The following ASB13 variants were observed in gnomAD, a reference collection of about 807,000 sequenced individuals.
ASB13 encodes ankyrin repeat and SOCS box protein 13.
Under a neutral mutation model 28.8 loss-of-function variants are expected in ASB13, and 33 were observed. That is an observed-to-expected ratio of 1.15 (90% CI 0.87 to 1.53). ASB13 has a LOEUF of 1.53. Ranked by LOEUF, ASB13 falls within the 40% of genes most tolerant of loss-of-function variation. The pLI is 0.00. For synonymous variants in ASB13, 182 were observed against 172.9 expected (o/e 1.05, Z -0.41); for missense variants, 414 against 390.1 (o/e 1.06, Z -0.52).
Position 5,658,177 on chromosome 10 carries a change from C to T in ASB13, c.44-5127G>A, listed in dbSNP as rs190905105. On this transcript the variant is annotated intron_variant, in intron 1 of 5. Coordinates refer to ENST00000357700, the MANE Select transcript of ASB13 (RefSeq NM_024701.4). This position sits in a 1 kb window ranked among gnomAD's most constrained non-coding sequence, Gnocchi z 4.2. ...TGTCTCAAAAATAAATAAATAAATA[C>T]GCTATTTCTGGCCAGGTGCAGTGGC... 5.1e-4 allele frequency among the ~76,000 whole-genome samples: 76 copies of T among 149,490 alleles called. 1 individual carries two copies. Among genetic ancestry groups the T allele is most frequent in the Middle Eastern group, 3.7e-3 (1 of 272 alleles).
At position 5,649,128 on chromosome 10, in the gene ASB13, G is replaced by T; in HGVS notation, c.383-24C>A. 1 of 1,613,694 alleles carries T rather than the reference G, an allele frequency of 6.2e-7. No homozygotes were observed. The highest frequency in any genetic ancestry group is 1.3e-5 in the African/African-American group (1 of 75,042). ...CCCTTAAGATAAATGGAAAAGGGGGGGAATGTCCTTGAATACGGACACTGG... is the reference window on the plus strand; with the variant it reads ...CCCTTAAGATAAATGGAAAAGGGGGTGAATGTCCTTGAATACGGACACTGG... On this transcript the variant is annotated intron_variant, in intron 3 of 5. Transcript: ENST00000357700. The surrounding 1 kb of genome is among the most constrained non-coding windows in gnomAD (Gnocchi z 6.4).
chr10:5,654,303 G>A (rs1413980886), intron 1 of ASB13, among the ~76,000 whole-genome samples: 2 of 152,066 alleles, frequency 1.3e-5, no homozygotes, highest in African/African-American at 2.4e-5. Flanking sequence ...GGGGAAGGCT[G>A]TCTCCCTTCC....
At position 5,640,579 on chromosome 10, in the gene ASB13, A is replaced by G. The variant is rs1224959683; in HGVS notation, c.*124T>C. The G allele has an allele frequency of 3.2e-6, 4 of 1,242,754 alleles. No homozygotes were observed. In the East Asian group the frequency reaches 9.7e-5, roughly 30 times the overall value. The allele number at this position is 1,242,754 out of a possible 1,614,324, so 77.0% of individuals were successfully genotyped here. On this transcript the variant is annotated 3_prime_UTR_variant, in exon 6 of 6. Coordinates refer to ENST00000357700, the MANE Select transcript of ASB13 (RefSeq NM_024701.4). ...GAGAAGCCTAAACAGGATCGCAGGAAGGGACTCGAAGGAGCGTTGTTCTAT... is the reference window on the plus strand; with the variant it reads ...GAGAAGCCTAAACAGGATCGCAGGAGGGGACTCGAAGGAGCGTTGTTCTAT...
chr10:5,644,519 T>C lies in ASB13; in HGVS notation c.518-2558A>G, dbSNP rs765598578. On this transcript the variant is annotated intron_variant, in intron 4 of 5. Transcript: ENST00000357700. The surrounding 1 kb of genome is among the most constrained non-coding windows in gnomAD (Gnocchi z 5.1). ...TGAGAAAGAGAACATAAACAGGTAC[T>C]CGTTAGAGGAAAACAGGGCCAGACA... is the stretch of plus-strand genomic sequence containing the variant. 2.0e-5 allele frequency among the ~76,000 whole-genome samples: 3 copies of C among 149,846 alleles called. No homozygotes were observed. Among genetic ancestry groups the C allele is most frequent in the Non-Finnish European group, 4.4e-5 (3 of 67,532 alleles).
chr10:5,640,954 T>C (rs1007272762), intron 5 of ASB13, 124 bp from the exon 6 acceptor site: 70 of 1,278,664 alleles, frequency 5.5e-5, no homozygotes, highest in South Asian at 2.9e-4. Context: ...GGATGTGTCC[T>C]GTAGGCCTTC....
intron 4 of ASB13, among the ~76,000 whole-genome samples, chr10:5,643,974 G>C (rs1224266182): frequency 6.6e-6 from 1 of 152,252 alleles, no homozygotes; most frequent in East Asian, 1.9e-4. Flanking sequence ...CTTGCAGGGA[G>C]GCAGCCTTCC....
At position 5,656,672 on chromosome 10, in the gene ASB13, C is replaced by T. The variant is rs1017166867; in HGVS notation, c.44-3622G>A. 3.3e-5 allele frequency among the ~76,000 whole-genome samples: 5 copies of T among 152,094 alleles called. No individual in the cohort carries two copies. The highest frequency in any genetic ancestry group is 5.9e-5 in the Non-Finnish European group (4 of 68,028). On this transcript the variant is annotated intron_variant, in intron 1 of 5. Transcript: ENST00000357700. This position sits in a 1 kb window ranked among gnomAD's most constrained non-coding sequence, Gnocchi z 4.3. ...TAAGATAATATGCAAAAAGAGCAAA[C>T]GTGTAGCTTTGAAATTAACTCTGGG...
chr10:5,642,569 G>C lies in ASB13; in HGVS notation c.518-608C>G, dbSNP rs769371733. On this transcript the variant is annotated intron_variant, in intron 4 of 5. Transcript: ENST00000357700. This position sits in a 1 kb window ranked among gnomAD's most constrained non-coding sequence, Gnocchi z 4.1. ...ATTCATCAAGCTGATTAAAAGTAAA[G>C]GTAAAAAAAAATTTTTTTTTAAAAA... 26 of 1,192,464 alleles carry C rather than the reference G, an allele frequency of 2.2e-5. No homozygotes were observed. The highest frequency in any genetic ancestry group is 4.2e-6 in the Non-Finnish European group (4 of 951,508). The allele number at this position is 1,192,464 out of a possible 1,614,324, so 73.9% of individuals were successfully genotyped here. A position where few individuals can be genotyped will look rare whatever the true frequency, so the allele number is the denominator to read the frequency against.
At chr10:5,657,837 A>G (rs1483437514) in intron 1 of ASB13, among the ~76,000 whole-genome samples, 1 of 152,240 alleles carries the variant, frequency 6.6e-6, no homozygotes, top group African/African-American at 2.4e-5. Flanking sequence ...CCTTGAGGAC[A>G]TTATGCTGAG....
intron 4 of ASB13, among the ~76,000 whole-genome samples, chr10:5,648,472 A>G (rs61832715): frequency 0.12 from 15,267 of 123,156 alleles, 1,555 homozygotes; most frequent in Non-Finnish European, 0.17. Flanking sequence ...ACACCCACTC[A>G]GGTAAACACC....
In ASB13 at chr10:5,644,265, G is replaced by A. The variant is rs1243345198; in HGVS notation, c.518-2304C>T. Among the ~76,000 whole-genome samples the A allele has an allele frequency of 2.6e-5, 4 of 152,170 alleles. No individual in the cohort carries two copies. The highest frequency in any genetic ancestry group is 2.1e-4 in the South Asian group (1 of 4,836). ...TCTCAGCACTTTGGGAATTCGAGGC[G>A]AGCGGATCTCTTGGGCCCAGGAAAT... On this transcript the variant is annotated intron_variant, in intron 4 of 5. Coordinates refer to ENST00000357700, the MANE Select transcript of ASB13 (RefSeq NM_024701.4). The surrounding 1 kb of genome is among the most constrained non-coding windows in gnomAD (Gnocchi z 5.1).
intron 5 of ASB13, 122 bp from the exon 6 acceptor site, chr10:5,640,952 C>T (rs975562348): frequency 7.8e-7 from 1 of 1,280,612 alleles, no homozygotes; most frequent in African/African-American, 1.5e-5. Flanking sequence ...CGGGATGTGT[C>T]CTGTAGGCCT....
Position 5,658,694 on chromosome 10 carries a change from G to GT in ASB13, c.44-5645dup, listed in dbSNP as rs1835110140. Among the ~76,000 whole-genome samples, 1 of 152,098 alleles carries GT rather than the reference G, an allele frequency of 6.6e-6. No homozygotes were observed. Among genetic ancestry groups the GT allele is most frequent in the African/African-American group, 2.4e-5 (1 of 41,420 alleles). ...GTGGACACTTGAAATGGCTAAGGTG[G>GT]TAACTTTTGTGTTCTGTGCTCTCTA... On this transcript the variant is annotated intron_variant, in intron 1 of 5. Transcript: ENST00000357700. This position sits in a 1 kb window ranked among gnomAD's most constrained non-coding sequence, Gnocchi z 4.2.
Position 5,655,748 on chromosome 10 carries a change from G to C in ASB13, c.44-2698C>G, listed in dbSNP as rs1222708051. Among the ~76,000 whole-genome samples, 1 of 152,152 alleles carries C rather than the reference G, an allele frequency of 6.6e-6. No individual in the cohort carries two copies. The highest frequency in any genetic ancestry group is 1.5e-5 in the Non-Finnish European group (1 of 68,028). ...TGTCACTTTAAAATCAATCCGCAGG[G>C]AGCAAAATCCTAAGGGTAGAAGGAG... On this transcript the variant is annotated intron_variant, in intron 1 of 5. Coordinates refer to ENST00000357700, the MANE Select transcript of ASB13 (RefSeq NM_024701.4). This position sits in a 1 kb window ranked among gnomAD's most constrained non-coding sequence, Gnocchi z 6.2.
rs1449326224 is a variant in ASB13 at position 5,650,337 on chromosome 10, C to T, written c.382+876G>A. ...TGAACCTTCCCCAAATTCTGTTTTC[C>T]TGACCCTCGACATCTGCTCAGAAAC... is the stretch of plus-strand genomic sequence containing the variant. On this transcript the variant is annotated intron_variant, in intron 3 of 5. Transcript: ENST00000357700. This position sits in a 1 kb window ranked among gnomAD's most constrained non-coding sequence, Gnocchi z 6.0. 6.6e-6 allele frequency among the ~76,000 whole-genome samples: 1 copy of T among 152,202 alleles called. No individual in the cohort carries two copies. The highest frequency in any genetic ancestry group is 1.9e-4 in the East Asian group (1 of 5,202).
In ASB13 at chr10:5,651,515, A is replaced by G; in HGVS notation, c.232-152T>C. The G allele has an allele frequency of 2.4e-6, 2 of 833,372 alleles. No individual in the cohort carries two copies. Among genetic ancestry groups the G allele is most frequent in the South Asian group, 1.9e-5 (1 of 53,918 alleles). 51.6% of individuals were successfully genotyped at this position (833,372 alleles called of 1,614,324 possible). A position where few individuals can be genotyped will look rare whatever the true frequency, so the allele number is the denominator to read the frequency against. On this transcript the variant is annotated intron_variant, in intron 2 of 5. Transcript: ENST00000357700. This position sits in a 1 kb window ranked among gnomAD's most constrained non-coding sequence, Gnocchi z 5.1. ...GCTAGGCAACGACACTGAAAGAGAT[A>G]GCACGTGGCTGCGGAGCACCGACGG...
At position 5,664,457 on chromosome 10, in the gene ASB13, T is replaced by C. The variant is rs1835224053; in HGVS notation, c.43+2052A>G. On this transcript the variant is annotated intron_variant, in intron 1 of 5. Transcript: ENST00000357700. The surrounding 1 kb of genome is among the most constrained non-coding windows in gnomAD (Gnocchi z 4.2). ...GCCATGTCCAAGAAAAGCAAGACAT[T>C]ACACAAAAAGAGAAACATAGTCCCC... Among the ~76,000 whole-genome samples the C allele has an allele frequency of 6.6e-6, 1 of 152,018 alleles. No individual in the cohort carries two copies. The highest frequency in any genetic ancestry group is 2.4e-5 in the African/African-American group (1 of 41,372).
chr10:5,643,735 G>A (rs11813788), intron 4 of ASB13, among the ~76,000 whole-genome samples: 2 of 152,190 alleles, frequency 1.3e-5, no homozygotes, highest in African/African-American at 4.8e-5. Flanking sequence ...ACCATCCACA[G>A]AATCTAAAGT....
Position 5,643,628 on chromosome 10 carries a change from C to T in ASB13, c.518-1667G>A, listed in dbSNP as rs903013660. On this transcript the variant is annotated intron_variant, in intron 4 of 5. Transcript: ENST00000357700. ...AATATTTCCCCACAATTCAACCTCT[C>T]TTTCACATAAGGGGTTTTCCTCCAG... Among the ~76,000 whole-genome samples the T allele has an allele frequency of 5.3e-5, 8 of 152,366 alleles. No homozygotes were observed. In the East Asian group the frequency reaches 1.2e-3, roughly 22 times the overall value.
Sources: gnomAD v4.1 joint callset for allele counts (sites outside exome capture counted in the v4.1 genomes callset) on GRCh38, gnomAD v4.1.1 for gene constraint, Gnocchi (gnomAD v3.1) non-coding constraint, MANE v1.5 for transcripts, NCBI Gene and HGNC (gene_info 2026-07-23, HGNC 2026-07-21) for gene names.